Variants in ADARB2 observed in about 807,000 individuals in gnomAD.
The protein encoded by ADARB2 is adenosine deaminase RNA specific B2 (inactive).
ADARB2 carries 25 observed loss-of-function variants against 62.2 expected under a neutral mutation model. The observed-to-expected ratio is 0.40, with a 90% CI of 0.29 to 0.56. The LOEUF is 0.56. ADARB2 is among the 20% of genes least tolerant of loss of function. The probability of loss-of-function intolerance (pLI) is 0.43; values close to 1 mark genes in which losing one functional copy is unlikely to be tolerated. For missense variants in ADARB2, 1,071 were observed against 1,077.4 expected (o/e 0.99, Z 0.08); for synonymous variants, 572 against 500.8 (o/e 1.14, Z -1.90).
chr10:1,480,566 CTG>C (rs1831455440), intron 1 of ADARB2, among the ~76,000 whole-genome samples: 1 of 152,146 alleles, frequency 6.6e-6, no homozygotes, highest in South Asian at 2.1e-4. Context: ...GCCGTGGTGG[CTG>C]GCACCTGTAG....
At position 1,668,134 on chromosome 10, in the gene ADARB2, A is replaced by G. The variant is rs190596397; in HGVS notation, c.100+68917T>C. ...CGAGGGCCTCTGTGATTTTCTCTCC[A>G]GGCCCTCGCCCCACCACTCGGCTGT... On this transcript the variant is annotated intron_variant, in intron 1 of 9. Coordinates refer to ENST00000381312, the MANE Select transcript of ADARB2 (RefSeq NM_018702.4). 3.4e-3 allele frequency among the ~76,000 whole-genome samples: 514 copies of G among 152,284 alleles called. 3 individuals are homozygous for G. Among genetic ancestry groups the G allele is most frequent in the Middle Eastern group, 6.8e-3 (2 of 294 alleles).
intron 1 of ADARB2, among the ~76,000 whole-genome samples, chr10:1,415,913 A>T (rs1832797603): frequency 6.6e-6 from 1 of 152,158 alleles, no homozygotes; most frequent in Non-Finnish European, 1.5e-5. Context: ...GGGTAGTCAT[A>T]TTATAGAGCC....
chr10:1,367,035 C>T (rs187694409), intron 2 of ADARB2, among the ~76,000 whole-genome samples: 75 of 152,322 alleles, frequency 4.9e-4, no homozygotes, highest in African/African-American at 1.8e-3. Context: ...CCTGGCTGGC[C>T]CAGCCCCACG....
intron 1 of ADARB2, among the ~76,000 whole-genome samples, chr10:1,636,576 G>T (rs1833919420): frequency 6.6e-6 from 1 of 151,958 alleles, no homozygotes; most frequent in East Asian, 1.9e-4. Flanking sequence ...ACCAGCAGTT[G>T]CAAGAGATAC....
intron 1 of ADARB2, among the ~76,000 whole-genome samples, chr10:1,538,378 C>G (rs7475509): frequency 6.6e-6 from 1 of 152,330 alleles, no homozygotes; most frequent in South Asian, 2.1e-4. Context: ...GGAGGGGTCT[C>G]CTCTGATCCC....
At chr10:1,205,348 G>C (rs1385935134) in intron 7 of ADARB2, among the ~76,000 whole-genome samples, 1 of 104,070 alleles carries the variant, frequency 9.6e-6, no homozygotes, top group African/African-American at 2.9e-5. Context: ...CAACTCACTG[G>C]AGCCCGTGGC....
At chr10:1,628,666 A>T (rs1318431490) in intron 1 of ADARB2, among the ~76,000 whole-genome samples, 6 of 152,240 alleles carry the variant, frequency 3.9e-5, no homozygotes, top group African/African-American at 1.4e-4. Flanking sequence ...CAAGGAAAAG[A>T]ATTTGAATCC....
intron 1 of ADARB2, among the ~76,000 whole-genome samples, chr10:1,716,315 G>C (rs1835016367): frequency 6.6e-6 from 1 of 152,238 alleles, no homozygotes; most frequent in African/African-American, 2.4e-5. Flanking sequence ...AATACAGCTG[G>C]AGACAGTCAG....
intron 6 of ADARB2, among the ~76,000 whole-genome samples, chr10:1,231,046 G>C (rs1830799532): frequency 6.6e-6 from 1 of 152,082 alleles, no homozygotes; most frequent in Non-Finnish European, 1.5e-5. Context: ...GGCTGCAGTT[G>C]GTGATCGATG....
At chr10:1,564,550 A>C (rs1192343010) in intron 1 of ADARB2, among the ~76,000 whole-genome samples, 1 of 152,126 alleles carries the variant, frequency 6.6e-6, no homozygotes, top group African/African-American at 2.4e-5. Flanking sequence ...CAATGAACTC[A>C]AACAAATTTA....
At chr10:1,648,456 T>C (rs1040393588) in intron 1 of ADARB2, among the ~76,000 whole-genome samples, 2 of 152,140 alleles carry the variant, frequency 1.3e-5, no homozygotes. Flanking sequence ...AAAAGTGTGT[T>C]TTTTAGGAAA....
intron 3 of ADARB2, among the ~76,000 whole-genome samples, chr10:1,342,270 C>T (rs953104339): frequency 6.6e-6 from 1 of 152,142 alleles, no homozygotes; most frequent in African/African-American, 2.4e-5. Context: ...CCTCAGCTTC[C>T]CCATGCCATG....
intron 1 of ADARB2, among the ~76,000 whole-genome samples, chr10:1,560,504 GGGGGGC>G (rs1346720436): frequency 2.0e-3 from 55 of 28,112 alleles, no homozygotes; most frequent in Admixed American, 4.6e-3. Flanking sequence ...GTGAACACAC[GGGGGGC>G]ACCCTGGGTC....
rs191437284 is a variant in ADARB2, at chr10:1,490,379, C to A, written c.101-111219G>T. Among the ~76,000 whole-genome samples, 19 of 152,240 alleles carry A rather than the reference C, an allele frequency of 1.2e-4. No individual in the cohort carries two copies. The East Asian group carries it at 3.7e-3, about 29-fold the overall frequency. Reference sequence around the variant, plus strand: ...CACTTAACTGTTTACAAGGTAAGTTCCAATATATTAATTCAAATGACCACT... The same window carrying A: ...CACTTAACTGTTTACAAGGTAAGTTACAATATATTAATTCAAATGACCACT... On this transcript the variant is annotated intron_variant, in intron 1 of 9. Coordinates refer to ENST00000381312, the MANE Select transcript of ADARB2 (RefSeq NM_018702.4).
At position 1,676,785 on chromosome 10, in the gene ADARB2, A is replaced by ATT. The variant is rs11386780; in HGVS notation, c.100+60264_100+60265dup. Among the ~76,000 whole-genome samples the ATT allele has an allele frequency of 8.5e-5, 13 of 152,064 alleles. 1 individual carries two copies. The highest frequency in any genetic ancestry group is 6.2e-4 in the South Asian group (3 of 4,818). ...ACGGACACTCGTATTATTCATTTTA[A>ATT]TTTTTTTTAAGATGGAAAGAGTGTT... On this transcript the variant is annotated intron_variant, in intron 1 of 9. Transcript: ENST00000381312.
At chr10:1,712,430 C>T (rs55943045) in intron 1 of ADARB2, among the ~76,000 whole-genome samples, 56 of 150,868 alleles carry the variant, frequency 3.7e-4, no homozygotes, top group Middle Eastern at 3.4e-3. Context: ...GAATATACTG[C>T]TTTTTTTTTT....
rs150797604 is a variant in ADARB2, at chr10:1,267,651, A to C, written c.1192+3304T>G. Among the ~76,000 whole-genome samples, 58 of 152,326 alleles carry C rather than the reference A, an allele frequency of 3.8e-4. 3 individuals are homozygous for C. In the East Asian group the frequency reaches 0.011, roughly 28 times the overall value. The stretch of plus-strand genomic sequence containing the variant: ...AAAAAAGAAGACATTCCAGAAAAAA[A>C]CACGCACAATATTTCAAAAGCGATA... On this transcript the variant is annotated intron_variant, in intron 4 of 9. Coordinates refer to ENST00000381312, the MANE Select transcript of ADARB2 (RefSeq NM_018702.4).
At chr10:1,187,344 C>T (rs1346521148) in intron 8 of ADARB2, among the ~76,000 whole-genome samples, 3 of 152,142 alleles carry the variant, frequency 2.0e-5, no homozygotes, top group Non-Finnish European at 4.4e-5. Flanking sequence ...GCCTCCCCTC[C>T]TCCTCCCACT....
At chr10:1,464,497 C>T (rs188849553) in intron 1 of ADARB2, among the ~76,000 whole-genome samples, 1,307 of 81,752 alleles carry the variant, frequency 0.016, 116 homozygotes, top group South Asian at 0.044. Context: ...GGGGCAGTCA[C>T]AGCAGGCAGC....
Sources: gnomAD v4.1 joint callset for allele counts (sites outside exome capture counted in the v4.1 genomes callset) on GRCh38, gnomAD v4.1.1 for gene constraint, MANE v1.5 for transcripts, NCBI Gene and HGNC (gene_info 2026-07-23, HGNC 2026-07-21) for gene names.